The following HHAT variants were observed in gnomAD, a reference collection of about 807,000 sequenced individuals.
HHAT encodes the protein protein-cysteine N-palmitoyltransferase HHAT.
HHAT carries 47 observed loss-of-function variants against 70.8 expected under a neutral mutation model. That is an observed-to-expected ratio of 0.66 (90% CI 0.53 to 0.85). HHAT has a LOEUF of 0.85. HHAT is among the 40% of genes least tolerant of loss of function. The probability of loss-of-function intolerance (pLI) is 0.00; values close to 1 mark genes in which losing one functional copy is unlikely to be tolerated. For synonymous variants in HHAT, 228 were observed against 247.6 expected (o/e 0.92, Z 0.74); for missense variants, 609 against 604.8 (o/e 1.01, Z -0.07).
At chr1:210,666,798 A>G (rs1450225405) in intron 11 of HHAT, among the ~76,000 whole-genome samples, 1 of 152,076 alleles carries the variant, frequency 6.6e-6, no homozygotes, top group Non-Finnish European at 1.5e-5. Context: ...ATCATTTTAA[A>G]AATGAATTCT....
intron 9 of HHAT, among the ~76,000 whole-genome samples, chr1:210,524,226 A>G (rs751732043): frequency 1.2e-4 from 19 of 152,254 alleles, no homozygotes; most frequent in Non-Finnish European, 1.3e-4. Context: ...TTAACAGGTT[A>G]GATCTCACAT....
intron 6 of HHAT, among the ~76,000 whole-genome samples, chr1:210,415,633 G>A (rs1299543739): frequency 6.6e-6 from 1 of 151,920 alleles, no homozygotes; most frequent in Non-Finnish European, 1.5e-5. Flanking sequence ...GAAACAAAAG[G>A]CAAAAGGGAA....
At chr1:210,411,878 A>G (rs934156913) in intron 6 of HHAT, among the ~76,000 whole-genome samples, 2 of 152,210 alleles carry the variant, frequency 1.3e-5, no homozygotes, top group Admixed American at 6.5e-5. Context: ...TCTAGCCTCT[A>G]CAGACTAATG....
At chr1:210,446,948 A>T (rs1157091884) in intron 7 of HHAT, among the ~76,000 whole-genome samples, 1 of 152,166 alleles carries the variant, frequency 6.6e-6, no homozygotes, top group African/African-American at 2.4e-5. Context: ...CTTGTTTGTC[A>T]TGGTGTCCCC....
chr1:210,526,368 T>TTTTGTTTTGTTTTG (rs1553256925), intron 9 of HHAT, among the ~76,000 whole-genome samples: 1 of 5,122 alleles, frequency 2.0e-4, no homozygotes, highest in Admixed American at 1.7e-3. Context: ...GTGGGTTCTG[T>TTTTGTTTTGTTTTG]TTTTTTTTTT....
At chr1:210,658,306 C>G (rs1332265903) in intron 11 of HHAT, among the ~76,000 whole-genome samples, 7 of 152,112 alleles carry the variant, frequency 4.6e-5, no homozygotes, top group African/African-American at 7.2e-5. Context: ...CAGCCCTGCC[C>G]CTGAGGGTGC....
rs950374151 is a variant in HHAT, at chr1:210,341,415, G to A, written c.-43-7518G>A. ...GCTGGGGGAAAAGCATCTTGCAGCC[G>A]TTATGTTTATGTATGTTTCAGGCTT... On this transcript the variant is annotated intron_variant, in intron 1 of 11. Coordinates refer to ENST00000261458, the MANE Select transcript of HHAT (RefSeq NM_018194.6). 5.9e-5 allele frequency among the ~76,000 whole-genome samples: 9 copies of A among 152,312 alleles called. No homozygotes were observed. In the South Asian group the frequency reaches 8.3e-4, roughly 14 times the overall value.
At chr1:210,493,802 T>C (rs1346574581) in intron 8 of HHAT, among the ~76,000 whole-genome samples, 1 of 152,186 alleles carries the variant, frequency 6.6e-6, no homozygotes, top group Non-Finnish European at 1.5e-5. Context: ...AAAACCCTGT[T>C]TTCTGGTTCA....
chr1:210,544,419 CG>C (rs1305025305), intron 9 of HHAT, among the ~76,000 whole-genome samples: 1 of 129,356 alleles, frequency 7.7e-6, no homozygotes, highest in Admixed American at 9.3e-5. Flanking sequence ...GTTGCCCAAG[CG>C]GGAGTGCAAG....
At chr1:210,392,365 G>A (rs1266239061) in intron 4 of HHAT, among the ~76,000 whole-genome samples, 1 of 152,070 alleles carries the variant, frequency 6.6e-6, no homozygotes, top group Non-Finnish European at 1.5e-5. Context: ...CTCCTTGTTT[G>A]CTTCCTGTAG....
chr1:210,588,586 T>C (rs1257592151), intron 10 of HHAT: 2 of 153,580 alleles, frequency 1.3e-5, no homozygotes, highest in Non-Finnish European at 2.9e-5. Context: ...TCTCCTATTA[T>C]TAGTAATCAT....
At chr1:210,393,699 G>A (rs542805322) in intron 4 of HHAT, among the ~76,000 whole-genome samples, 74 of 152,324 alleles carry the variant, frequency 4.9e-4, no homozygotes, top group Non-Finnish European at 8.7e-4. Flanking sequence ...TCCAATATCA[G>A]TAGGAGGTAT....
chr1:210,448,515 C>T (rs985071716), intron 7 of HHAT, among the ~76,000 whole-genome samples: 7 of 152,136 alleles, frequency 4.6e-5, no homozygotes, highest in African/African-American at 1.7e-4. Flanking sequence ...GTCATTTAAG[C>T]AATTCAAATT....
In HHAT at chr1:210,674,566, T is replaced by C. The variant is rs182831221; in HGVS notation, c.*187T>C. The C allele has an allele frequency of 1.8e-5, 10 of 568,456 alleles. No homozygotes were observed. Among genetic ancestry groups the C allele is most frequent in the South Asian group, 4.6e-5 (2 of 43,582 alleles). 35.2% of individuals were successfully genotyped at this position (568,456 alleles called of 1,614,324 possible). On this transcript the variant is annotated 3_prime_UTR_variant, in exon 12 of 12. Coordinates refer to ENST00000261458, the MANE Select transcript of HHAT (RefSeq NM_018194.6). ...AGCCAGACAATCTTCTAATCTGGAG[T>C]CTTTGAGATCTTCTACCCCAACTCA...
chr1:210,437,966 T>C (rs1183521139), intron 7 of HHAT, among the ~76,000 whole-genome samples: 1 of 151,844 alleles, frequency 6.6e-6, no homozygotes, highest in Non-Finnish European at 1.5e-5. Context: ...CCATCTCACA[T>C]ATAAGGTTGC....
intron 11 of HHAT, among the ~76,000 whole-genome samples, chr1:210,672,703 G>A (rs1030949997): frequency 5.9e-5 from 9 of 152,154 alleles, no homozygotes; most frequent in South Asian, 2.1e-4. Flanking sequence ...CAGAAGACAT[G>A]AAGATTGTTA....
chr1:210,425,906 G>A (rs1213548731), intron 7 of HHAT, among the ~76,000 whole-genome samples: 1 of 152,096 alleles, frequency 6.6e-6, no homozygotes, highest in Non-Finnish European at 1.5e-5. Flanking sequence ...GATAGGAATA[G>A]CATTGAACCT....
intron 11 of HHAT, 81 bp downstream of exon 11, chr1:210,623,751 G>C (rs921648549): frequency 2.7e-5 from 38 of 1,401,658 alleles, no homozygotes; most frequent in Non-Finnish European, 3.7e-5. Context: ...GGATGGATGG[G>C]ATTTGGGGGA....
At chr1:210,644,325 G>C (rs1673581067) in intron 11 of HHAT, among the ~76,000 whole-genome samples, 1 of 152,178 alleles carries the variant, frequency 6.6e-6, no homozygotes, top group Non-Finnish European at 1.5e-5. Flanking sequence ...GCCTTGGGCT[G>C]GATGCTTTGA....
Sources: allele counts gnomAD v4.1 joint callset (sites outside exome capture counted in the v4.1 genomes callset), GRCh38; gene constraint gnomAD v4.1.1; transcripts MANE v1.5; gene names NCBI Gene and HGNC (gene_info 2026-07-23, HGNC 2026-07-21).